The following RGS7 variants were observed in gnomAD, a reference collection of about 807,000 sequenced individuals.
RGS7 encodes the protein regulator of G protein signaling 7.
Under a neutral mutation model 81.1 loss-of-function variants are expected in RGS7, and 27 were observed. The observed-to-expected ratio is 0.33, with a 90% CI of 0.25 to 0.46. The LOEUF is 0.46. RGS7 is among the 20% of genes least tolerant of loss of function. RGS7 has a pLI of 1.00. For missense variants in RGS7, 396 were observed against 607.4 expected, an observed-to-expected ratio of 0.65 and a Z score of 3.66; for synonymous variants, 208 against 207.7, an observed-to-expected ratio of 1.00 and a Z score of -0.01.
At chr1:241,256,420 C>T (rs1338272155) in intron 2 of RGS7, among the ~76,000 whole-genome samples, 1 of 152,190 alleles carries the variant, frequency 6.6e-6, no homozygotes, top group Non-Finnish European at 1.5e-5. Context: ...AGAAACACTT[C>T]ACTGTCAATC....
intron 2 of RGS7, among the ~76,000 whole-genome samples, chr1:241,114,866 G>GTT (rs2065784102): frequency 6.6e-6 from 1 of 152,236 alleles, no homozygotes; most frequent in South Asian, 2.1e-4. Flanking sequence ...TTTGTAAAAT[G>GTT]TTGCAAATGA....
intron 4 of RGS7, among the ~76,000 whole-genome samples, chr1:240,941,725 G>A (rs1394126677): frequency 6.6e-6 from 1 of 151,714 alleles, no homozygotes; most frequent in Non-Finnish European, 1.5e-5. Context: ...GACAAACATG[G>A]TGCCACAGTT....
chr1:241,191,261 G>A (rs1376380983), intron 2 of RGS7, among the ~76,000 whole-genome samples: 1 of 152,174 alleles, frequency 6.6e-6, no homozygotes, highest in Non-Finnish European at 1.5e-5. Flanking sequence ...TTACAGGAGT[G>A]AGCCACCGTG....
At chr1:241,342,480 T>C (rs547389248) in intron 2 of RGS7, among the ~76,000 whole-genome samples, 75 of 152,346 alleles carry the variant, frequency 4.9e-4, no homozygotes, top group African/African-American at 1.8e-3. Flanking sequence ...CTAATGAAAT[T>C]ACAAATTAGC....
intron 2 of RGS7, among the ~76,000 whole-genome samples, chr1:241,105,175 T>C (rs1282606916): frequency 1.3e-5 from 2 of 152,230 alleles, no homozygotes; most frequent in African/African-American, 4.8e-5. Flanking sequence ...TCTTCCTTTA[T>C]GCTCTATCTA....
At chr1:240,872,186 T>C (rs923926662) in intron 6 of RGS7, among the ~76,000 whole-genome samples, 7 of 152,318 alleles carry the variant, frequency 4.6e-5, no homozygotes, top group Non-Finnish European at 1.0e-4. Context: ...ATTTGTTGAA[T>C]GAGTGAATTA....
At chr1:241,268,576 G>A (rs528672238) in intron 2 of RGS7, among the ~76,000 whole-genome samples, 1 of 152,292 alleles carries the variant, frequency 6.6e-6, no homozygotes, top group Non-Finnish European at 1.5e-5. Context: ...TCTTCTAGAA[G>A]CAAAGGGTAG....
At chr1:241,049,154 G>A (rs56167152) in intron 3 of RGS7, among the ~76,000 whole-genome samples, 4,994 of 152,034 alleles carry the variant, frequency 0.033, 112 homozygotes, top group Non-Finnish European at 0.045. Context: ...AGTACTAGGG[G>A]GTAGATCTTT....
chr1:240,925,417 A>G (rs261865), intron 6 of RGS7, among the ~76,000 whole-genome samples: 150,057 of 152,236 alleles, frequency 0.99, 73,983 homozygotes, highest in Middle Eastern at 1. Flanking sequence ...TTGGGATAAC[A>G]GCCTCCAGCT....
intron 2 of RGS7, among the ~76,000 whole-genome samples, chr1:241,202,620 T>A (rs1274612689): frequency 1.3e-5 from 2 of 152,176 alleles, no homozygotes; most frequent in African/African-American, 4.8e-5. Context: ...AACGCCTGTC[T>A]GTTTAGATTT....
chr1:241,298,019 CT>C (rs1334674209), intron 2 of RGS7, among the ~76,000 whole-genome samples: 1 of 152,064 alleles, frequency 6.6e-6, no homozygotes, highest in Admixed American at 6.6e-5. Context: ...TATATTAATA[CT>C]TTTTTTAAAA....
intron 3 of RGS7, among the ~76,000 whole-genome samples, chr1:240,992,910 G>A (rs960567177): frequency 7.3e-5 from 11 of 151,692 alleles, no homozygotes; most frequent in African/African-American, 2.7e-4. Context: ...AGCTACTCAG[G>A]AACCTGAGGC....
chr1:241,163,525 T>A lies in RGS7; in HGVS notation c.79-64763A>T, dbSNP rs1303208725. ...CCAGATCTAGGAAAGATTAACCGAC[T>A]GTCGACACCTTTGAAGGTCTGAAAG... On this transcript the variant is annotated intron_variant, in intron 2 of 18. Coordinates refer to ENST00000440928, the MANE Select transcript of RGS7 (RefSeq NM_001364886.1). The surrounding 1 kb of genome is among the most constrained non-coding windows in gnomAD (Gnocchi z 4.6). Among the ~76,000 whole-genome samples, 1 of 152,110 alleles carries A rather than the reference T, an allele frequency of 6.6e-6. No individual in the cohort carries two copies. Among genetic ancestry groups the A allele is most frequent in the Non-Finnish European group, 1.5e-5 (1 of 67,982 alleles).
chr1:241,019,135 C>T (rs1303035087), intron 3 of RGS7, among the ~76,000 whole-genome samples: 1 of 152,086 alleles, frequency 6.6e-6, no homozygotes, highest in African/African-American at 2.4e-5. Flanking sequence ...CACTCTAATG[C>T]TGGTCTGCCC....
rs972551890 is a variant in RGS7, at chr1:241,321,797, C to T, written c.78+33902G>A. ...ACTTCTAAAAACATAGCTCAATCAG[C>T]GCTCAAAAATGTGGCACTGATTGAC... On this transcript the variant is annotated intron_variant, in intron 2 of 18. Transcript: ENST00000440928. 2.6e-5 allele frequency among the ~76,000 whole-genome samples: 4 copies of T among 152,120 alleles called. No individual in the cohort carries two copies. The East Asian group carries it at 5.8e-4, about 22-fold the overall frequency.
At chr1:241,331,401 T>G (rs2081972755) in intron 2 of RGS7, among the ~76,000 whole-genome samples, 1 of 152,234 alleles carries the variant, frequency 6.6e-6, no homozygotes, top group Admixed American at 6.5e-5. Context: ...TTTGGCATGT[T>G]CCTTAACTTC....
At chr1:240,951,586 A>C (rs938945907) in intron 4 of RGS7, among the ~76,000 whole-genome samples, 1 of 152,210 alleles carries the variant, frequency 6.6e-6, no homozygotes, top group Non-Finnish European at 1.5e-5. Context: ...AAACCTCAAA[A>C]ACTGAAATTC....
intron 5 of RGS7, among the ~76,000 whole-genome samples, chr1:240,932,989 T>C (rs1675859699): frequency 6.9e-6 from 1 of 144,824 alleles, no homozygotes; most frequent in Admixed American, 7.0e-5. Context: ...GTTCACGCCA[T>C]TCTCCTGCCT....
chr1:241,336,542 T>C lies in RGS7; in HGVS notation c.78+19157A>G, dbSNP rs114431282. On this transcript the variant is annotated intron_variant, in intron 2 of 18. Transcript: ENST00000440928. ...CACCTGTTTGGTTTTATGGTTACATTTCAACAGTGTCTGCAGCTGTAACTC... is the reference window on the plus strand; with the variant it reads ...CACCTGTTTGGTTTTATGGTTACATCTCAACAGTGTCTGCAGCTGTAACTC... 2.7e-3 allele frequency among the ~76,000 whole-genome samples: 412 copies of C among 152,328 alleles called. 5 individuals are homozygous for C. The highest frequency in any genetic ancestry group is 9.6e-3 in the African/African-American group (400 of 41,578).
Sources: gnomAD v4.1 joint callset for allele counts (sites outside exome capture counted in the v4.1 genomes callset) on GRCh38, gnomAD v4.1.1 for gene constraint, Gnocchi (gnomAD v3.1) non-coding constraint, MANE v1.5 for transcripts, NCBI Gene and HGNC (gene_info 2026-07-23, HGNC 2026-07-21) for gene names.